Variants in DNAAF9 observed in about 807,000 individuals in gnomAD.
The protein encoded by DNAAF9 is shulin.
In DNAAF9, 90 loss-of-function variants were observed where a neutral mutation model predicts 167.0. The observed-to-expected ratio is 0.54, with a 90% CI of 0.45 to 0.64. The LOEUF (loss-of-function observed/expected upper bound fraction) is 0.64. Ranked by LOEUF, DNAAF9 falls within the 30% of genes least tolerant of loss-of-function variation. The pLI, the probability that DNAAF9 is intolerant of heterozygous loss-of-function variation, is 0.00. For synonymous variants in DNAAF9, 491 were observed against 508.8 expected (o/e 0.96, Z 0.47); for missense variants, 1,315 against 1,442.2 (o/e 0.91, Z 1.43).
At chr20:3,314,998 A>AC (rs1267295015) in intron 20 of DNAAF9, 35 bp downstream of exon 20, 2 of 1,244,530 alleles carry the variant, frequency 1.6e-6, no homozygotes, top group Non-Finnish European at 1.2e-6. Flanking sequence ...AGGGACCCAG[A>AC]CATGGCCAAA....
chr20:3,300,061 C>A (rs1034386296), intron 21 of DNAAF9, among the ~76,000 whole-genome samples: 1 of 152,144 alleles, frequency 6.6e-6, no homozygotes, highest in African/African-American at 2.4e-5. Flanking sequence ...TGCCACCACA[C>A]TTGCCTAATT....
chr20:3,317,905 GCTT>G (rs1282400483), intron 17 of DNAAF9, among the ~76,000 whole-genome samples: 5 of 151,942 alleles, frequency 3.3e-5, no homozygotes, highest in Non-Finnish European at 7.4e-5. Flanking sequence ...CCTTCAAGTT[GCTT>G]CTTCTTGACT....
rs1319663219 is a variant in DNAAF9, at chr20:3,374,034, C to T, written c.612+14G>A. On this transcript the variant is annotated intron_variant, in intron 6 of 36. Transcript: ENST00000252032. ...TGGCAGACAAAAACTAGGCATACTG[C>T]TTTTCATACATACCTCATATTTCAT... The T allele has an allele frequency of 1.3e-6, 2 of 1,536,644 alleles. No individual in the cohort carries two copies. The highest frequency in any genetic ancestry group is 1.7e-5 in the Admixed American group (1 of 59,866).
intron 25 of DNAAF9, 93 bp downstream of exon 25, chr20:3,294,046 A>C (rs1172934584): frequency 2.7e-6 from 2 of 747,180 alleles, no homozygotes; most frequent in African/African-American, 3.5e-5. Flanking sequence ...ACTCCATCTA[A>C]GTTCTTTTTG....
chr20:3,316,635 C>T (rs941470500), intron 18 of DNAAF9, 88 bp downstream of exon 18: 55 of 886,150 alleles, frequency 6.2e-5, no homozygotes, highest in Admixed American at 4.5e-4. Flanking sequence ...GACATCCCAC[C>T]AGGGGCCCAA....
intron 26 of DNAAF9, among the ~76,000 whole-genome samples, chr20:3,289,780 G>A (rs1292790333): frequency 1.3e-5 from 2 of 152,086 alleles, no homozygotes; most frequent in African/African-American, 4.8e-5. Flanking sequence ...CCAAAGTGCT[G>A]GGATTACAGG....
chr20:3,362,705 T>C (rs1415835074), intron 6 of DNAAF9, among the ~76,000 whole-genome samples: 2 of 152,164 alleles, frequency 1.3e-5, no homozygotes, highest in Non-Finnish European at 2.9e-5. Flanking sequence ...CATTGTCAAA[T>C]GTCTAGGGGG....
intron 31 of DNAAF9, among the ~76,000 whole-genome samples, 165 bp from the exon 32 acceptor site, chr20:3,260,193 G>T (rs1293264302): frequency 6.6e-6 from 1 of 151,904 alleles, no homozygotes; most frequent in Non-Finnish European, 1.5e-5. Flanking sequence ...CAAAAAATTA[G>T]CCGGGCGCGG....
At position 3,407,660 on chromosome 20, in the gene DNAAF9, C is replaced by A; in HGVS notation, c.-103G>T. 9.7e-7 allele frequency: 1 copy of A among 1,032,426 alleles called. No homozygotes were observed. The highest frequency in any genetic ancestry group is 1.2e-6 in the Non-Finnish European group (1 of 852,660). The allele number at this position is 1,032,426 out of a possible 1,614,324, so 64.0% of individuals were successfully genotyped here. On this transcript the variant is annotated 5_prime_UTR_variant, in exon 1 of 37. Transcript: ENST00000252032. ...GCTGCGGCCGGGCGGGGCGGCAGGG[C>A]GTGCCGGGTGGGAGGGGGCGCGGCG...
intron 1 of DNAAF9, among the ~76,000 whole-genome samples, chr20:3,384,635 A>T (rs1240590909): frequency 6.6e-6 from 1 of 151,580 alleles, no homozygotes; most frequent in African/African-American, 2.4e-5. Flanking sequence ...AGCCCTCCTG[A>T]GTAGCTGGGA....
In DNAAF9 at chr20:3,294,184, C is replaced by T; in HGVS notation, c.2193G>A (p.Leu731=). 5 of 1,612,136 alleles carry T rather than the reference C, an allele frequency of 3.1e-6. No individual in the cohort carries two copies. The highest frequency in any genetic ancestry group is 2.7e-5 in the African/African-American group (2 of 74,984). ...PVMRTHLPVL[L]QQAEINTTHR... ...GAGTAGTGTTGATTTCAGCTTGCTG[C>T]AGCAGCACAGGAAGATGGGTCCGCA... The change falls in exon 25 of 37, where the codon CTG becomes CTA. Residue 731 remains leucine, a synonymous_variant. Transcript: ENST00000252032.
chr20:3,259,481 T>C lies in DNAAF9; in HGVS notation c.3054A>G (p.Ser1018=). The C allele has an allele frequency of 6.4e-7, 1 of 1,558,288 alleles. No homozygotes were observed. The highest frequency in any genetic ancestry group is 2.3e-5 in the East Asian group (1 of 43,368). Residue 1018 remains serine, a splice_region_variant and synonymous_variant, in exon 33 of 37, where the codon TCA becomes TCG. Coordinates refer to ENST00000252032, the MANE Select transcript of DNAAF9 (RefSeq NM_001009984.3). Reference sequence around the variant, plus strand: ...TCCCAAATCCCAGCCCCTGGTTACCTGAAAACTTCACTTTGCCCAGGATGT... The same window carrying C: ...TCCCAAATCCCAGCCCCTGGTTACCCGAAAACTTCACTTTGCCCAGGATGT... ...IYHILGKVKF[S]DSERTMEVCY...
At chr20:3,280,082 C>T (rs2068740110) in intron 28 of DNAAF9, among the ~76,000 whole-genome samples, 1 of 152,100 alleles carries the variant, frequency 6.6e-6, no homozygotes, top group African/African-American at 2.4e-5. Flanking sequence ...ATCCTGTTCC[C>T]TTACCTGACT....
intron 6 of DNAAF9, among the ~76,000 whole-genome samples, chr20:3,362,815 A>T (rs2083380798): frequency 6.6e-6 from 1 of 152,092 alleles, no homozygotes; most frequent in South Asian, 2.1e-4. Context: ...CTGGACTTTC[A>T]CATTCTTTGA....
At chr20:3,305,376 C>CATGGAA (rs1351768764) in intron 20 of DNAAF9, among the ~76,000 whole-genome samples, 3 of 152,204 alleles carry the variant, frequency 2.0e-5, no homozygotes, top group Non-Finnish European at 4.4e-5. Context: ...ATTCCTGTAA[C>CATGGAA]AGCTTTTCTT....
chr20:3,367,542 G>C (rs1258747019), intron 6 of DNAAF9, among the ~76,000 whole-genome samples: 1 of 152,082 alleles, frequency 6.6e-6, no homozygotes, highest in African/African-American at 2.4e-5. Flanking sequence ...CCTTTCACTT[G>C]AACCTTTATT....
chr20:3,392,790 GCTTT>G (rs10567699), intron 1 of DNAAF9, among the ~76,000 whole-genome samples: 29,365 of 151,978 alleles, frequency 0.19, 3,003 homozygotes, highest in African/African-American at 0.23. Context: ...CATGATTTAT[GCTTT>G]CTTTATCTTG....
Position 3,252,514 on chromosome 20 carries a change from A to AC in DNAAF9, c.*57dup. 1.1e-6 allele frequency: 1 copy of AC among 924,456 alleles called. No homozygotes were observed. The highest frequency in any genetic ancestry group is 1.7e-5 in the Admixed American group (1 of 58,634). The allele number at this position is 924,456 out of a possible 1,614,324, so 57.3% of individuals were successfully genotyped here. ...CCTCCAGCAGAGCTGAGGTTAAGAC[A>AC]CCCGTTCGTCCATCTCCAAGGTGGA... is the stretch of plus-strand genomic sequence containing the variant. On this transcript the variant is annotated 3_prime_UTR_variant, in exon 37 of 37. Coordinates refer to ENST00000252032, the MANE Select transcript of DNAAF9 (RefSeq NM_001009984.3).
chr20:3,331,560 C>T (rs1568609201), intron 11 of DNAAF9, among the ~76,000 whole-genome samples: 1 of 152,204 alleles, frequency 6.6e-6, no homozygotes, highest in East Asian at 1.9e-4. Flanking sequence ...CCACAGCATG[C>T]TCCTGCTCCT....
Sources: gnomAD v4.1 joint callset for allele counts (sites outside exome capture counted in the v4.1 genomes callset) on GRCh38, gnomAD v4.1.1 for gene constraint, MANE v1.5 for transcripts, NCBI Gene and HGNC (gene_info 2026-07-23, HGNC 2026-07-21) for gene names.